The following TCF7L2 variants were observed in gnomAD, a reference collection of about 807,000 sequenced individuals.
The protein encoded by TCF7L2 is transcription factor 7 like 2.
TCF7L2 carries 23 observed loss-of-function variants against 77.9 expected under a neutral mutation model. That is an observed-to-expected ratio of 0.30 (90% CI 0.21 to 0.42). The LOEUF (loss-of-function observed/expected upper bound fraction) is 0.42, where lower values mean the gene tolerates loss of function less well. TCF7L2 is among the 10% of genes least tolerant of loss of function. TCF7L2 has a pLI of 1.00. For missense variants in TCF7L2, 654 were observed against 793.1 expected (o/e 0.82, Z 2.11); for synonymous variants, 413 against 340.2 (o/e 1.21, Z -2.36).
intron 4 of TCF7L2, among the ~76,000 whole-genome samples, chr10:112,973,575 A>G (rs528504829): frequency 1.1e-4 from 16 of 144,104 alleles, no homozygotes; most frequent in Non-Finnish European, 2.4e-4. Context: ...AGCCTTTTTT[A>G]TTGTTTAATT....
At chr10:112,971,218 C>T (rs1004784632) in intron 4 of TCF7L2, among the ~76,000 whole-genome samples, 3 of 152,114 alleles carry the variant, frequency 2.0e-5, no homozygotes, top group African/African-American at 7.2e-5. Context: ...TATTTAAATT[C>T]TAGTGATACT....
At chr10:113,150,435 T>C (rs2070500745) in intron 8 of TCF7L2, among the ~76,000 whole-genome samples, 2 of 151,824 alleles carry the variant, frequency 1.3e-5, no homozygotes, top group African/African-American at 4.8e-5. Context: ...TGCCTCACTC[T>C]CTCCCATTCC....
At chr10:112,998,101 CTTTT>C (rs751249543) in intron 4 of TCF7L2, among the ~76,000 whole-genome samples, 1 of 140,108 alleles carries the variant, frequency 7.1e-6, no homozygotes, top group Non-Finnish European at 1.6e-5. Flanking sequence ...TCTGGTCCTA[CTTTT>C]TTTTTTTTTT....
intron 5 of TCF7L2, chr10:113,127,092 T>C: frequency 4.2e-6 from 1 of 235,504 alleles, no homozygotes; most frequent in Non-Finnish European, 7.0e-6. Context: ...TTATTTTTTT[T>C]AGCCTCTCTT....
chr10:112,966,815 C>T (rs1423032333), intron 4 of TCF7L2, among the ~76,000 whole-genome samples: 1 of 152,144 alleles, frequency 6.6e-6, no homozygotes, highest in Non-Finnish European at 1.5e-5. Flanking sequence ...TTACAGAGCT[C>T]ATTGTTTTGG....
At chr10:113,026,131 G>A (rs2049112812) in intron 4 of TCF7L2, among the ~76,000 whole-genome samples, 2 of 151,798 alleles carry the variant, frequency 1.3e-5, no homozygotes, top group African/African-American at 2.4e-5. Context: ...TAACCACCTC[G>A]GCCTCCAGAA....
intron 8 of TCF7L2, among the ~76,000 whole-genome samples, chr10:113,150,551 T>C (rs1384582283): frequency 6.6e-6 from 1 of 152,244 alleles, no homozygotes; most frequent in Non-Finnish European, 1.5e-5. Flanking sequence ...AAAATGTATG[T>C]ATATTTCAAC....
intron 4 of TCF7L2, among the ~76,000 whole-genome samples, chr10:112,993,520 A>T (rs1471353928): frequency 1.3e-5 from 2 of 152,216 alleles, no homozygotes; most frequent in East Asian, 1.9e-4. Context: ...AAAGAAAAAA[A>T]AAAGAAAATG....
intron 4 of TCF7L2, among the ~76,000 whole-genome samples, chr10:113,003,461 C>T (rs1462668164): frequency 6.6e-6 from 1 of 152,190 alleles, no homozygotes; most frequent in East Asian, 1.9e-4. Context: ...TTGGATCCCT[C>T]CCACTTTTGG....
chr10:112,976,172 T>G lies in TCF7L2; in HGVS notation c.450+11548T>G, dbSNP rs142511108. 8.1e-3 allele frequency among the ~76,000 whole-genome samples: 1,235 copies of G among 152,302 alleles called. 10 individuals are homozygous for G. Among genetic ancestry groups the G allele is most frequent in the Non-Finnish European group, 0.011 (732 of 68,024 alleles). On this transcript the variant is annotated intron_variant, in intron 4 of 13. Coordinates refer to ENST00000627217, the MANE Select transcript of TCF7L2 (RefSeq NM_001146274.2). Reference sequence around the variant, plus strand: ...TTAAACAAGGTAAGATATATAATGATCTGGGCAGTACGATGATACAGGGAA... The same window carrying G: ...TTAAACAAGGTAAGATATATAATGAGCTGGGCAGTACGATGATACAGGGAA...
intron 5 of TCF7L2, among the ~76,000 whole-genome samples, chr10:113,084,773 C>T (rs1234377143): frequency 6.6e-6 from 1 of 151,944 alleles, no homozygotes; most frequent in Non-Finnish European, 1.5e-5. Context: ...TGTTGTGCAC[C>T]TGTATTCCCA....
At chr10:112,966,862 A>G (rs1391834131) in intron 4 of TCF7L2, among the ~76,000 whole-genome samples, 1 of 152,194 alleles carries the variant, frequency 6.6e-6, no homozygotes, top group African/African-American at 2.4e-5. Flanking sequence ...ATGAACAGGT[A>G]GTATTGTTCT....
intron 4 of TCF7L2, among the ~76,000 whole-genome samples, chr10:113,030,255 T>G (rs2049990589): frequency 6.6e-6 from 1 of 152,238 alleles, no homozygotes; most frequent in South Asian, 2.1e-4. Flanking sequence ...TCCATTTGTT[T>G]TTATTACTGA....
chr10:113,106,625 G>C (rs547745501), intron 5 of TCF7L2, among the ~76,000 whole-genome samples: 2 of 152,288 alleles, frequency 1.3e-5, no homozygotes, highest in South Asian at 4.2e-4. Flanking sequence ...AATCATCTCT[G>C]CTAAAGGTTA....
At chr10:112,959,262 G>A (rs903143636) in intron 3 of TCF7L2, among the ~76,000 whole-genome samples, 3 of 152,038 alleles carry the variant, frequency 2.0e-5, no homozygotes, top group African/African-American at 4.8e-5. Context: ...TTCTTGAAGC[G>A]ACTTTTTCCC....
chr10:113,158,484 C>A (rs975270667), intron 12 of TCF7L2, among the ~76,000 whole-genome samples, 183 bp from the exon 13 acceptor site: 1 of 152,138 alleles, frequency 6.6e-6, no homozygotes, highest in African/African-American at 2.4e-5. Flanking sequence ...CCTGAATGTT[C>A]TGATGCATGC....
Position 113,065,550 on chromosome 10 carries a change from A to G in TCF7L2, c.552+25424A>G, listed in dbSNP as rs566190040. ...CTGTGGAATTACTTATGAAGCGCTT[A>G]ATATGCAGCCTCGGTTTCTTTATCT... On this transcript the variant is annotated intron_variant, in intron 5 of 13. Transcript: ENST00000627217. Among the ~76,000 whole-genome samples the G allele has an allele frequency of 2.6e-5, 4 of 152,338 alleles. No homozygotes were observed. The South Asian group carries it at 8.3e-4, about 32-fold the overall frequency.
At chr10:113,112,124 G>T (rs567794165) in intron 5 of TCF7L2, among the ~76,000 whole-genome samples, 1 of 152,254 alleles carries the variant, frequency 6.6e-6, no homozygotes, top group African/African-American at 2.4e-5. Flanking sequence ...CCACATGGCA[G>T]CAGGAACATT....
chr10:113,143,867 G>A (rs2136924978), intron 6 of TCF7L2, 56 bp from the exon 7 acceptor site: 4 of 1,363,024 alleles, frequency 2.9e-6, no homozygotes, highest in Non-Finnish European at 4.2e-6. Flanking sequence ...TCCCCTAATG[G>A]ATTGCTCTTT....
Sources: gnomAD v4.1 joint callset for allele counts (sites outside exome capture counted in the v4.1 genomes callset) on GRCh38, gnomAD v4.1.1 for gene constraint, MANE v1.5 for transcripts, NCBI Gene and HGNC (gene_info 2026-07-23, HGNC 2026-07-21) for gene names.